ZNF254: variants seen among roughly 807,000 people sequenced by gnomAD.
The protein encoded by ZNF254 is CTD-2017D11.1.
Under a neutral mutation model 12.4 loss-of-function variants are expected in ZNF254, and 10 were observed. That is an observed-to-expected ratio of 0.80 (90% CI 0.50 to 1.36). The LOEUF (loss-of-function observed/expected upper bound fraction) is 1.36. Ranked by LOEUF, ZNF254 falls within the 40% of genes most tolerant of loss-of-function variation. The pLI is 0.00. For missense variants in ZNF254, 996 were observed against 763.9 expected, an observed-to-expected ratio of 1.30 and a Z score of -3.58; for synonymous variants, 305 against 253.4, an observed-to-expected ratio of 1.20 and a Z score of -1.93.
Position 24,127,048 on chromosome 19 carries a change from T to C in ZNF254, c.1048T>C (p.Tyr350His). The C allele has an allele frequency of 6.2e-7, 1 of 1,613,140 alleles. No individual in the cohort carries two copies. Reference sequence around the variant, plus strand: ...GAGGATGCACACTGGAGAGAAACCCTACAAATGTGAAGAATGTGGCAAAGC... The same window carrying C: ...GAGGATGCACACTGGAGAGAAACCCCACAAATGTGAAGAATGTGGCAAAGC... Reference protein sequence around the residue: ...HKRMHTGEKPYKCEECGKAFS... With the variant: ...HKRMHTGEKPHKCEECGKAFS... Residue 350 changes from tyrosine (Y) to histidine (H), a missense_variant, in exon 4 of 4, where the codon TAC becomes CAC. By Grantham distance (83) the Tyr-to-His change is moderately conservative (BLOSUM62 2). Coordinates refer to ENST00000357002, the MANE Select transcript of ZNF254 (RefSeq NM_203282.4).
chr19:24,085,153 T>C (rs4932943), upstream of ZNF254, among the ~76,000 whole-genome samples: 73,004 of 148,658 alleles, frequency 0.49, 18,704 homozygotes, highest in African/African-American at 0.64. Flanking sequence ...AGGCTGGTCT[T>C]GAACTCCTGA....
chr19:24,049,184 T>TTA (rs1159690517), intron 2 of ZNF254, among the ~76,000 whole-genome samples: 1,576 of 63,018 alleles, frequency 0.025, 65 homozygotes, highest in East Asian at 0.13. Context: ...GGCTCTGGTT[T>TTA]TATATATATA....
chr19:24,127,886 C>T lies in ZNF254; in HGVS notation c.1886C>T (p.Pro629Leu). The change falls in exon 4 of 4, where the codon CCC (proline) becomes CTC (leucine). Residue 629 changes from proline to leucine, a missense_variant. Transcript: ENST00000357002. The part of the protein sequence containing the change: ...KHKRIHTGEQ[P>L]YKWEKFGKAF... ...AAGAGAATTCATACTGGAGAGCAAC[C>T]CTACAAATGGGAAAAATTTGGCAAA... The T allele has an allele frequency of 5.0e-6, 8 of 1,612,676 alleles. No individual in the cohort carries two copies. Among genetic ancestry groups the T allele is most frequent in the Non-Finnish European group, 6.8e-6 (8 of 1,179,502 alleles).
At chr19:24,083,538 A>T (rs1971923252), upstream of ZNF254, among the ~76,000 whole-genome samples, 1 of 152,164 alleles carries the variant, frequency 6.6e-6, no homozygotes, top group Admixed American at 6.6e-5. Context: ...CTCAAGATGG[A>T]TCAAAAATGT....
chr19:24,048,913 A>G (rs552442232), intron 2 of ZNF254: 16 of 151,880 alleles, frequency 1.1e-4, no homozygotes, highest in African/African-American at 3.1e-4. Flanking sequence ...ATTATTTTGC[A>G]TATCTTGCTT....
upstream of ZNF254, among the ~76,000 whole-genome samples, chr19:24,082,956 A>T (rs1222285661): frequency 6.6e-6 from 1 of 152,158 alleles, no homozygotes; most frequent in Non-Finnish European, 1.5e-5. Context: ...AGTACTTGGA[A>T]GTCCCAGCCA....
intron 1 of ZNF254, among the ~76,000 whole-genome samples, chr19:24,043,982 T>A (rs1568423085): frequency 6.6e-6 from 1 of 152,158 alleles, no homozygotes; most frequent in Non-Finnish European, 1.5e-5. Flanking sequence ...GGCTCACGCC[T>A]GTAATCTCAG....
intron 1 of ZNF254, among the ~76,000 whole-genome samples, chr19:24,036,698 C>G (rs1969979868): frequency 6.6e-6 from 1 of 152,120 alleles, no homozygotes; most frequent in Non-Finnish European, 1.5e-5. Context: ...AAGGGGAACT[C>G]TGTTCTGCAC....
intron 2 of ZNF254, among the ~76,000 whole-genome samples, chr19:24,058,604 C>T (rs1373445302): frequency 2.6e-5 from 4 of 152,010 alleles, no homozygotes; most frequent in Non-Finnish European, 4.4e-5. Context: ...GACAGGGTTT[C>T]TCCATGTTGG....
chr19:24,033,673 G>T (rs1350609458), intron 1 of ZNF254: 2 of 320,060 alleles, frequency 6.2e-6, no homozygotes, highest in Admixed American at 7.8e-5. Flanking sequence ...CTGTGAAACC[G>T]GCGGGACTGC....
At chr19:24,117,209 C>T (rs1288533121) in intron 3 of ZNF254, among the ~76,000 whole-genome samples, 1 of 152,102 alleles carries the variant, frequency 6.6e-6, no homozygotes, top group Non-Finnish European at 1.5e-5. Flanking sequence ...GTTGGGAGAA[C>T]CACTGCTCTC....
intron 3 of ZNF254, among the ~76,000 whole-genome samples, chr19:24,125,935 A>G (rs1974803360): frequency 6.6e-6 from 1 of 152,250 alleles, no homozygotes; most frequent in Non-Finnish European, 1.5e-5. Flanking sequence ...TTACTTGTAA[A>G]GACACTATGG....
chr19:24,094,925 G>C (rs1428685009), intron 1 of ZNF254, among the ~76,000 whole-genome samples: 2 of 152,146 alleles, frequency 1.3e-5, no homozygotes, highest in African/African-American at 4.8e-5. Context: ...GACCTCAGGG[G>C]ATCCACCTGC....
At chr19:24,119,111 T>C (rs10412517) in intron 3 of ZNF254, among the ~76,000 whole-genome samples, 48,123 of 151,694 alleles carry the variant, frequency 0.32, 9,500 homozygotes, top group African/African-American at 0.56. Flanking sequence ...GACTCTGACT[T>C]CAAAAACAAA....
At position 24,053,277 on chromosome 19, in the gene ZNF254, G is replaced by A. The variant is rs372905514; in HGVS notation, c.-94+6998G>A. Among the ~76,000 whole-genome samples, 137 of 152,280 alleles carry A rather than the reference G, an allele frequency of 9.0e-4. 3 individuals carry two copies. In the South Asian group the frequency reaches 0.026, roughly 29 times the overall value. On this transcript the variant is annotated intron_variant, in intron 2 of 4. Transcript: ENST00000613065. The stretch of plus-strand genomic sequence containing the variant: ...TCATGCACAAATCCAGACCATCATT[G>A]AGACTGTCACTCAGGTACTTACACC...
chr19:24,053,793 T>G (rs1970737202), intron 2 of ZNF254, among the ~76,000 whole-genome samples: 1 of 152,142 alleles, frequency 6.6e-6, no homozygotes, highest in African/African-American at 2.4e-5. Flanking sequence ...ACCTAGATGA[T>G]GTAACTCTTT....
chr19:24,100,960 TGG>T (rs1195444420), intron 1 of ZNF254, among the ~76,000 whole-genome samples: 1 of 152,046 alleles, frequency 6.6e-6, no homozygotes, highest in Non-Finnish European at 1.5e-5. Flanking sequence ...TCTGAGTAGC[TGG>T]GATTACAGGC....
At chr19:24,077,780 G>A (rs1476162914) in intron 2 of ZNF254, among the ~76,000 whole-genome samples, 4 of 152,172 alleles carry the variant, frequency 2.6e-5, no homozygotes, top group Non-Finnish European at 5.9e-5. Context: ...TACAGGGTGT[G>A]TGTGTCTAAA....
chr19:24,054,198 A>G (rs1970754154), intron 2 of ZNF254, among the ~76,000 whole-genome samples: 1 of 152,162 alleles, frequency 6.6e-6, no homozygotes, highest in Non-Finnish European at 1.5e-5. Context: ...AGAGAATTGT[A>G]ACATATCCCT....
Sources: gnomAD v4.1 joint callset for allele counts (sites outside exome capture counted in the v4.1 genomes callset) on GRCh38, gnomAD v4.1.1 for gene constraint, MANE v1.5 for transcripts, NCBI Gene and HGNC (gene_info 2026-07-23, HGNC 2026-07-21) for gene names.